Variants in HCN1 observed in about 807,000 individuals in gnomAD.
HCN1 encodes hyperpolarization activated cyclic nucleotide gated potassium channel 1, also known as potassium/sodium hyperpolarization-activated cyclic nucleotide-gated channel 1.
Under a neutral mutation model 78.9 loss-of-function variants are expected in HCN1, and 13 were observed. That is an observed-to-expected ratio of 0.16 (90% confidence interval 0.11 to 0.26). HCN1 has a LOEUF of 0.26. Among genes scored for constraint, HCN1 ranks in the 10% least tolerant of loss-of-function variants. The pLI, the probability that HCN1 is intolerant of heterozygous loss-of-function variation, is 1.00. For synonymous variants in HCN1, 552 were observed against 455.5 expected, an observed-to-expected ratio of 1.21 and a Z score of -2.70; for missense variants, 810 against 1,154.3, an observed-to-expected ratio of 0.70 and a Z score of 4.32.
chr5:45,385,758 A>C (rs1055757369), intron 4 of HCN1, among the ~76,000 whole-genome samples: 4 of 152,330 alleles, frequency 2.6e-5, no homozygotes, highest in Admixed American at 6.5e-5. Context: ...AGTTTCGGTG[A>C]ATTGGCAAAT....
chr5:45,384,815 G>A (rs1010154695), intron 4 of HCN1, among the ~76,000 whole-genome samples: 63 of 152,116 alleles, frequency 4.1e-4, no homozygotes, highest in Non-Finnish European at 5.7e-4. Context: ...AAATAAGAAT[G>A]CTGCTTTGTA....
intron 2 of HCN1, among the ~76,000 whole-genome samples, chr5:45,500,023 A>G (rs1233748951): frequency 6.6e-6 from 1 of 152,188 alleles, no homozygotes; most frequent in African/African-American, 2.4e-5. Context: ...TTATAATTTT[A>G]TAATATACAT....
At chr5:45,475,120 C>A (rs560149045) in intron 2 of HCN1, among the ~76,000 whole-genome samples, 2 of 151,882 alleles carry the variant, frequency 1.3e-5, no homozygotes, top group East Asian at 3.9e-4. Flanking sequence ...TAATAGTGAA[C>A]TGAATTATGA....
chr5:45,430,166 T>A (rs1460442133), intron 3 of HCN1, among the ~76,000 whole-genome samples: 1 of 152,190 alleles, frequency 6.6e-6, no homozygotes, highest in Non-Finnish European at 1.5e-5. Context: ...GTCTTACAAT[T>A]AGGCAGATCC....
intron 2 of HCN1, among the ~76,000 whole-genome samples, chr5:45,556,256 A>G (rs1743467285): frequency 6.6e-6 from 1 of 152,096 alleles, no homozygotes; most frequent in East Asian, 1.9e-4. Flanking sequence ...GAAACAATCA[A>G]CAAAGTAAAA....
chr5:45,375,931 A>T (rs1399952816), intron 4 of HCN1, among the ~76,000 whole-genome samples: 10 of 121,940 alleles, frequency 8.2e-5, no homozygotes, highest in African/African-American at 3.0e-4. Flanking sequence ...TATATATGAT[A>T]TAATATTTTA....
chr5:45,683,646 TAC>T (rs1193883771), intron 1 of HCN1, among the ~76,000 whole-genome samples: 4 of 150,480 alleles, frequency 2.7e-5, no homozygotes, highest in Non-Finnish European at 3.0e-5. Context: ...TATATATATA[TAC>T]ACACACACAC....
chr5:45,388,287 G>C (rs1747968149), intron 4 of HCN1, among the ~76,000 whole-genome samples: 1 of 152,098 alleles, frequency 6.6e-6, no homozygotes, highest in Non-Finnish European at 1.5e-5. Context: ...AGTGGTCACA[G>C]TTCTGCTTAG....
At chr5:45,346,310 A>G (rs1746706658) in intron 5 of HCN1, among the ~76,000 whole-genome samples, 1 of 152,190 alleles carries the variant, frequency 6.6e-6, no homozygotes, top group Non-Finnish European at 1.5e-5. Context: ...GTACATAGAA[A>G]CCTTTTGAGA....
chr5:45,591,608 A>T (rs892184477), intron 2 of HCN1, among the ~76,000 whole-genome samples: 8 of 152,150 alleles, frequency 5.3e-5, no homozygotes, highest in African/African-American at 1.9e-4. Context: ...GCCCATTTTT[A>T]AAATCAGATT....
intron 6 of HCN1, among the ~76,000 whole-genome samples, chr5:45,294,363 C>A (rs528391295): frequency 2.0e-5 from 3 of 151,910 alleles, no homozygotes; most frequent in Admixed American, 6.6e-5. Flanking sequence ...TCACAGCTTG[C>A]GAAATGTCCA....
intron 3 of HCN1, among the ~76,000 whole-genome samples, chr5:45,407,925 C>T (rs772795746): frequency 7.2e-5 from 11 of 151,932 alleles, no homozygotes; most frequent in African/African-American, 9.7e-5. Context: ...TGATCCTGAC[C>T]CTGTGTAAGC....
intron 4 of HCN1, among the ~76,000 whole-genome samples, chr5:45,386,240 A>T (rs1747907047): frequency 6.9e-6 from 1 of 144,624 alleles, no homozygotes. Context: ...CAGTGGTGTG[A>T]TCAGAGCTCA....
chr5:45,286,049 A>G (rs529598977), intron 6 of HCN1, among the ~76,000 whole-genome samples: 1 of 150,758 alleles, frequency 6.6e-6, no homozygotes, highest in African/African-American at 2.5e-5. Flanking sequence ...TAAGATTCTC[A>G]GAAACTGGAA....
At chr5:45,466,365 T>C (rs566651507) in intron 2 of HCN1, among the ~76,000 whole-genome samples, 21 of 152,180 alleles carry the variant, frequency 1.4e-4, no homozygotes, top group Admixed American at 5.2e-4. Context: ...ATTAAACTGC[T>C]TTTAGTCGTT....
At chr5:45,427,420 ATTAAGTCT>A (rs1264889243) in intron 3 of HCN1, among the ~76,000 whole-genome samples, 1 of 152,142 alleles carries the variant, frequency 6.6e-6, no homozygotes. Flanking sequence ...TATAGTTAAC[ATTAAGTCT>A]TATAACTGTT....
rs879350950 is a variant in HCN1, at chr5:45,323,612, C to T, written c.1378-19773G>A. Among the ~76,000 whole-genome samples the T allele has an allele frequency of 1.1e-3, 160 of 151,944 alleles. 1 individual carries two copies. Among genetic ancestry groups the T allele is most frequent in the Admixed American group, 3.5e-3 (53 of 15,236 alleles). The stretch of plus-strand genomic sequence containing the variant: ...TAAGTTTTACAGTACATATGCACAA[C>T]GTGCAGGTTTGTTACTTATGTATAC... On this transcript the variant is annotated intron_variant, in intron 5 of 7. Transcript: ENST00000303230.
At chr5:45,316,773 G>A (rs1208517118) in intron 5 of HCN1, among the ~76,000 whole-genome samples, 1 of 152,012 alleles carries the variant, frequency 6.6e-6, no homozygotes, top group Non-Finnish European at 1.5e-5. Context: ...ACCAATAACA[G>A]ACAAACAGAG....
At chr5:45,406,648 T>A (rs1357245360) in intron 3 of HCN1, among the ~76,000 whole-genome samples, 1 of 152,200 alleles carries the variant, frequency 6.6e-6, no homozygotes, top group Non-Finnish European at 1.5e-5. Context: ...ATAATTATAC[T>A]TTTATATGAA....
Sources: allele counts gnomAD v4.1 joint callset (sites outside exome capture counted in the v4.1 genomes callset), GRCh38; gene constraint gnomAD v4.1.1; transcripts MANE v1.5; gene names NCBI Gene and HGNC (gene_info 2026-07-23, HGNC 2026-07-21).